Variants in ANKH observed in about 807,000 individuals in gnomAD.
The protein encoded by ANKH is ANKH inorganic pyrophosphate transport regulator, also known as mineralization regulator ANKH.
ANKH carries 15 observed loss-of-function variants against 49.0 expected under a neutral mutation model. The observed-to-expected ratio is 0.31, with a 90% CI of 0.20 to 0.47. ANKH has a LOEUF of 0.47. Among genes scored for constraint, ANKH ranks in the 20% least tolerant of loss-of-function variants. ANKH has a pLI of 1.00. For synonymous variants in ANKH, 273 were observed against 260.0 expected (o/e 1.05, Z -0.48); for missense variants, 429 against 652.0 (o/e 0.66, Z 3.72).
chr5:14,743,041 A>G (rs1203038783), intron 7 of ANKH, among the ~76,000 whole-genome samples: 2 of 152,240 alleles, frequency 1.3e-5, no homozygotes, highest in Non-Finnish European at 2.9e-5. Flanking sequence ...TACAGGATCC[A>G]CCTGGAAAAG....
At chr5:14,750,644 T>G (rs1419855698) in intron 5 of ANKH, among the ~76,000 whole-genome samples, 1 of 152,220 alleles carries the variant, frequency 6.6e-6, no homozygotes, top group South Asian at 2.1e-4. Context: ...AATAAGGGAC[T>G]GGGATTGGCC....
At chr5:14,798,438 G>C (rs563745201) in intron 1 of ANKH, 4 of 1,522,966 alleles carry the variant, frequency 2.6e-6, no homozygotes, top group Non-Finnish European at 3.6e-6. Flanking sequence ...GGGGTCGAGC[G>C]TTGTGGGAGG....
At chr5:14,855,848 GAAAA>G (rs796584176) in intron 1 of ANKH, among the ~76,000 whole-genome samples, 3 of 119,902 alleles carry the variant, frequency 2.5e-5, no homozygotes, top group Admixed American at 8.6e-5. Flanking sequence ...AAAAGAAAAA[GAAAA>G]AAAAAAAAAG....
chr5:14,759,301 C>A (rs1232801467), intron 2 of ANKH, among the ~76,000 whole-genome samples: 1 of 151,996 alleles, frequency 6.6e-6, no homozygotes, highest in Non-Finnish European at 1.5e-5. Context: ...TCAGCCAGTA[C>A]GGGCTGAATG....
chr5:14,865,978 A>T (rs1379868997), intron 1 of ANKH, among the ~76,000 whole-genome samples: 2 of 152,172 alleles, frequency 1.3e-5, no homozygotes, highest in African/African-American at 4.8e-5. Flanking sequence ...CTGGTCTTTG[A>T]ATTATCATAT....
intron 8 of ANKH, among the ~76,000 whole-genome samples, chr5:14,740,817 T>C (rs1185841085): frequency 2.0e-5 from 3 of 152,242 alleles, no homozygotes; most frequent in Admixed American, 1.3e-4. Flanking sequence ...GCTCCCGTTA[T>C]TGGCATACTC....
At position 14,871,520 on chromosome 5, in the gene ANKH, GGGGC is replaced by G. The variant is rs1735825899; in HGVS notation, c.-77_-74del. 4.6e-6 allele frequency: 5 copies of G among 1,081,348 alleles called. No homozygotes were observed. In the Admixed American group the frequency reaches 1.4e-4, roughly 31 times the overall value. 67.0% of individuals were successfully genotyped at this position (1,081,348 alleles called of 1,614,324 possible). A position where few individuals can be genotyped will look rare whatever the true frequency, so the allele number is the denominator to read the frequency against. On this transcript the variant is annotated 5_prime_UTR_variant, in exon 1 of 12. Coordinates refer to ENST00000284268, the MANE Select transcript of ANKH (RefSeq NM_054027.6). ...ACTCTGCGGGGAGGCGAGGGGCGAC[GGGGC>G]GACGGGGCGAGCGGGGCGCGGGCCG...
At chr5:14,748,255 A>T (rs1379036784) in intron 6 of ANKH, among the ~76,000 whole-genome samples, 1 of 152,226 alleles carries the variant, frequency 6.6e-6, no homozygotes, top group African/African-American at 2.4e-5. Context: ...GGAACACATG[A>T]AGCAAGAGAA....
chr5:14,752,454 A>G (rs13152887), intron 4 of ANKH, among the ~76,000 whole-genome samples: 14,354 of 152,290 alleles, frequency 0.094, 881 homozygotes, highest in Admixed American at 0.17. Context: ...TAATGTTTAT[A>G]TCTCTATTCA....
At chr5:14,846,440 G>C (rs913515265) in intron 1 of ANKH, among the ~76,000 whole-genome samples, 2 of 152,168 alleles carry the variant, frequency 1.3e-5, no homozygotes, top group Admixed American at 1.3e-4. Context: ...TTTGGACTAG[G>C]ATAAGAAATG....
chr5:14,775,041 A>T (rs1739569139), intron 1 of ANKH, among the ~76,000 whole-genome samples: 1 of 143,046 alleles, frequency 7.0e-6, no homozygotes. Flanking sequence ...TCCTATACAT[A>T]CACACACATA....
At chr5:14,865,724 T>C (rs1050513572) in intron 1 of ANKH, among the ~76,000 whole-genome samples, 1 of 152,222 alleles carries the variant, frequency 6.6e-6, no homozygotes, top group South Asian at 2.1e-4. Flanking sequence ...TCGAATGAAA[T>C]ACTTTTGTTA....
intron 1 of ANKH, among the ~76,000 whole-genome samples, chr5:14,831,916 T>G (rs1741517813): frequency 6.6e-6 from 1 of 152,166 alleles, no homozygotes; most frequent in African/African-American, 2.4e-5. Context: ...TGAATGAACT[T>G]TCAGGAACAA....
chr5:14,807,988 G>A (rs1206652892), intron 1 of ANKH, among the ~76,000 whole-genome samples: 2 of 152,162 alleles, frequency 1.3e-5, no homozygotes, highest in Non-Finnish European at 2.9e-5. Context: ...GCACCAAAAT[G>A]TTATTGCTGG....
intron 1 of ANKH, among the ~76,000 whole-genome samples, chr5:14,793,037 A>ATATATATATAT (rs1554006446): frequency 7.1e-5 from 4 of 56,226 alleles, no homozygotes; most frequent in East Asian, 8.4e-4. Flanking sequence ...TATATATAAA[A>ATATATATATAT]ATATATATAT....
At chr5:14,761,795 GCT>G (rs1561043357) in intron 2 of ANKH, among the ~76,000 whole-genome samples, 10 of 147,108 alleles carry the variant, frequency 6.8e-5, no homozygotes, top group African/African-American at 2.0e-4. Context: ...ACAGAGTCTC[GCT>G]CTGTCTCGCC....
chr5:14,708,042 A>G lies in ANKH; in HGVS notation c.*3155T>C, dbSNP rs961261605. On this transcript the variant is annotated 3_prime_UTR_variant, in exon 12 of 12. Coordinates refer to ENST00000284268, the MANE Select transcript of ANKH (RefSeq NM_054027.6). ...CTGAGCCATGTGGCCGGCAGGTCCA[A>G]TCCTACCGTGACTTTCCAAGCGCAA... The G allele has an allele frequency of 6.6e-6, 1 of 152,168 alleles. No homozygotes were observed. The highest frequency in any genetic ancestry group is 1.5e-5 in the Non-Finnish European group (1 of 68,040). The allele number at this position is 152,168 out of a possible 1,614,324, so 9.4% of individuals were successfully genotyped here.
chr5:14,745,789 G>C lies in ANKH; in HGVS notation c.915+81C>G, dbSNP rs1738514343. ...GGAAGCAGGACTGAGAAGCAACAAAGTGTCCCTCATCAGAGAGCCCTGTCT... is the reference window on the plus strand; with the variant it reads ...GGAAGCAGGACTGAGAAGCAACAAACTGTCCCTCATCAGAGAGCCCTGTCT... On this transcript the variant is annotated intron_variant, in intron 7 of 11. Transcript: ENST00000284268. The surrounding 1 kb of genome is among the most constrained non-coding windows in gnomAD (Gnocchi z 4.7). The C allele has an allele frequency of 8.3e-7, 1 of 1,206,514 alleles. No individual in the cohort carries two copies. The highest frequency in any genetic ancestry group is 1.2e-5 in the South Asian group (1 of 81,300). The allele number at this position is 1,206,514 out of a possible 1,614,324, so 74.7% of individuals were successfully genotyped here. A position where few individuals can be genotyped will look rare whatever the true frequency, so the allele number is the denominator to read the frequency against.
At chr5:14,767,375 GT>G (rs1739288926) in intron 2 of ANKH, among the ~76,000 whole-genome samples, 1 of 152,152 alleles carries the variant, frequency 6.6e-6, no homozygotes, top group African/African-American at 2.4e-5. Context: ...ATGTGCTTTC[GT>G]AGCAACTGTG....
Sources: gnomAD v4.1 joint callset for allele counts (sites outside exome capture counted in the v4.1 genomes callset) on GRCh38, gnomAD v4.1.1 for gene constraint, Gnocchi (gnomAD v3.1) non-coding constraint, MANE v1.5 for transcripts, NCBI Gene and HGNC (gene_info 2026-07-23, HGNC 2026-07-21) for gene names.